SOX5: variants seen among roughly 807,000 people sequenced by gnomAD.
SOX5 encodes SRY-box transcription factor 5.
A neutral mutation model predicts 92.0 loss-of-function variants in SOX5; 9 were observed. That is an observed-to-expected ratio of 0.10 (90% CI 0.06 to 0.17). The LOEUF (loss-of-function observed/expected upper bound fraction) is 0.17. Among genes scored for constraint, SOX5 ranks in the 10% least tolerant of loss-of-function variants. SOX5 has a pLI of 1.00. For missense variants in SOX5, 642 were observed against 944.5 expected, an observed-to-expected ratio of 0.68 and a Z score of 4.20; for synonymous variants, 344 against 336.3, an observed-to-expected ratio of 1.02 and a Z score of -0.25.
At chr12:23,598,092 A>C (rs1035167128) in intron 9 of SOX5, among the ~76,000 whole-genome samples, 3 of 152,218 alleles carry the variant, frequency 2.0e-5, no homozygotes, top group African/African-American at 7.2e-5. Context: ...CTACATTCAC[A>C]GACCAGTTTT....
chr12:24,485,518 C>T (rs1946427623), intron 1 of SOX5, among the ~76,000 whole-genome samples: 2 of 152,248 alleles, frequency 1.3e-5, no homozygotes, highest in South Asian at 4.1e-4. Flanking sequence ...CTGCCTTTGG[C>T]TTTCTGCGTG....
chr12:23,996,101 A>C (rs1251845055), intron 4 of SOX5, among the ~76,000 whole-genome samples: 1 of 152,224 alleles, frequency 6.6e-6, no homozygotes, highest in African/African-American at 2.4e-5. Context: ...AAATTTAGGA[A>C]ATCAAATTAT....
intron 6 of SOX5, among the ~76,000 whole-genome samples, chr12:23,723,518 A>T (rs1285801545): frequency 6.6e-5 from 10 of 151,596 alleles, no homozygotes; most frequent in Middle Eastern, 6.9e-3. Flanking sequence ...GTAGAAAGAG[A>T]ATTAAAAAGG....
At chr12:23,820,978 G>A (rs986460931) in intron 3 of SOX5, among the ~76,000 whole-genome samples, 2 of 152,148 alleles carry the variant, frequency 1.3e-5, no homozygotes, top group Non-Finnish European at 2.9e-5. Flanking sequence ...ATGGTAGCTT[G>A]ATGGAAATAG....
chr12:23,994,470 C>A (rs947390994), intron 4 of SOX5, among the ~76,000 whole-genome samples: 1 of 152,122 alleles, frequency 6.6e-6, no homozygotes, highest in African/African-American at 2.4e-5. Context: ...CAGATATCTA[C>A]ATCAATATAT....
chr12:23,963,182 C>T (rs1426666769), intron 4 of SOX5, among the ~76,000 whole-genome samples: 1 of 152,048 alleles, frequency 6.6e-6, no homozygotes, highest in Non-Finnish European at 1.5e-5. Flanking sequence ...ACCAAAAACC[C>T]AAATAACCTC....
At chr12:24,161,866 CT>C (rs1416864365) in intron 4 of SOX5, among the ~76,000 whole-genome samples, 2 of 152,068 alleles carry the variant, frequency 1.3e-5, no homozygotes, top group Non-Finnish European at 2.9e-5. Flanking sequence ...TGTACATACA[CT>C]TTCCTAACAA....
rs550101441 is a variant in SOX5, at chr12:23,538,550, G to A, written c.1772-1881C>T. 7.2e-5 allele frequency among the ~76,000 whole-genome samples: 11 copies of A among 152,210 alleles called. No individual in the cohort carries two copies. The East Asian group carries it at 9.7e-4, about 13-fold the overall frequency. Reference sequence around the variant, plus strand: ...TCTGAAGATACTTGAATACCATTATGTTATTCTCAGGGCCTATATAAACAC... The same window carrying A: ...TCTGAAGATACTTGAATACCATTATATTATTCTCAGGGCCTATATAAACAC... On this transcript the variant is annotated intron_variant, in intron 13 of 14. Coordinates refer to ENST00000451604, the MANE Select transcript of SOX5 (RefSeq NM_006940.6).
chr12:23,645,294 C>T (rs1033304279), intron 7 of SOX5, among the ~76,000 whole-genome samples: 1 of 151,956 alleles, frequency 6.6e-6, no homozygotes, highest in African/African-American at 2.4e-5. Context: ...TGCATCAAAG[C>T]AGGAGTATGA....
chr12:24,555,319 C>T (rs529311525), intron 1 of SOX5, among the ~76,000 whole-genome samples: 1 of 152,220 alleles, frequency 6.6e-6, no homozygotes, highest in African/African-American at 2.4e-5. Flanking sequence ...TAAAGATGGT[C>T]AAGGTCAGTT....
At chr12:24,198,481 A>G (rs539708554) in intron 4 of SOX5, among the ~76,000 whole-genome samples, 25 of 152,358 alleles carry the variant, frequency 1.6e-4, no homozygotes, top group African/African-American at 6.0e-4. Context: ...CAAAAAAACA[A>G]TAAATTCCAT....
chr12:24,196,452 C>T (rs951259739), intron 4 of SOX5, among the ~76,000 whole-genome samples: 17 of 152,230 alleles, frequency 1.1e-4, no homozygotes, highest in African/African-American at 3.9e-4. Context: ...CTTGTATATA[C>T]AACAGCATTT....
chr12:23,707,480 A>T (rs2091534918), intron 6 of SOX5, among the ~76,000 whole-genome samples: 1 of 152,184 alleles, frequency 6.6e-6, no homozygotes, highest in Non-Finnish European at 1.5e-5. Flanking sequence ...AAAAGGATAC[A>T]GTCCCAGGAA....
chr12:24,074,177 C>A (rs1424017526), intron 4 of SOX5, among the ~76,000 whole-genome samples: 2 of 152,090 alleles, frequency 1.3e-5, no homozygotes, highest in African/African-American at 4.8e-5. Flanking sequence ...ATAAATGCAC[C>A]TGATCTCTCA....
At chr12:24,400,509 A>G (rs1961266941) in intron 1 of SOX5, among the ~76,000 whole-genome samples, 1 of 152,234 alleles carries the variant, frequency 6.6e-6, no homozygotes, top group Admixed American at 6.5e-5. Context: ...CAGAAAAAGA[A>G]ATTAATAGCC....
chr12:23,848,595 T>C (rs1319226781), intron 2 of SOX5, among the ~76,000 whole-genome samples: 1 of 152,182 alleles, frequency 6.6e-6, no homozygotes, highest in Non-Finnish European at 1.5e-5. Context: ...TAAGGAGTGC[T>C]AGCACAGTCT....
At chr12:23,802,084 A>AT (rs1239803732) in intron 3 of SOX5, among the ~76,000 whole-genome samples, 1 of 151,688 alleles carries the variant, frequency 6.6e-6, no homozygotes, top group Non-Finnish European at 1.5e-5. Context: ...TTCTTTCTTA[A>AT]TTTTTTTGAG....
intron 4 of SOX5, among the ~76,000 whole-genome samples, chr12:24,095,729 G>T (rs944473921): frequency 1.3e-5 from 2 of 152,006 alleles, no homozygotes; most frequent in Non-Finnish European, 2.9e-5. Context: ...TGAATCATGG[G>T]GCTTGCTTCC....
At chr12:24,241,289 T>C (rs1164448358) in intron 3 of SOX5, among the ~76,000 whole-genome samples, 1 of 152,226 alleles carries the variant, frequency 6.6e-6, no homozygotes, top group Non-Finnish European at 1.5e-5. Flanking sequence ...AGTTTTGATA[T>C]AGATAATGAG....
Sources: allele counts gnomAD v4.1 joint callset (sites outside exome capture counted in the v4.1 genomes callset), GRCh38; gene constraint gnomAD v4.1.1; transcripts MANE v1.5; gene names NCBI Gene and HGNC (gene_info 2026-07-23, HGNC 2026-07-21).